CRACR2A: variants seen among roughly 807,000 people sequenced by gnomAD.
CRACR2A encodes the protein EF-hand calcium-binding domain-containing protein 4B.
Under a neutral mutation model 90.5 loss-of-function variants are expected in CRACR2A, and 79 were observed. That is an observed-to-expected ratio of 0.87 (90% confidence interval 0.73 to 1.05). The LOEUF is 1.05. Ranked by LOEUF, CRACR2A falls within the 50% of genes least tolerant of loss-of-function variation. The pLI is 0.00. For missense variants in CRACR2A, 823 were observed against 897.2 expected (o/e 0.92, Z 1.06); for synonymous variants, 338 against 356.7 (o/e 0.95, Z 0.59).
chr12:3,751,165 CA>C (rs1449571030), intron 1 of CRACR2A, among the ~76,000 whole-genome samples: 1 of 152,232 alleles, frequency 6.6e-6, no homozygotes, highest in Non-Finnish European at 1.5e-5. Context: ...CAATATGGAA[CA>C]ATCATAGCAA....
intron 7 of CRACR2A, 83 bp from the exon 8 acceptor site, chr12:3,659,737 C>G: frequency 4.5e-6 from 5 of 1,100,846 alleles, no homozygotes; most frequent in Non-Finnish European, 2.8e-6. Context: ...ACCAGTTCCC[C>G]AACTCTGGAG....
In CRACR2A at chr12:3,623,517, G is replaced by C. The variant is rs553896145; in HGVS notation, c.1932+3919C>G. On this transcript the variant is annotated intron_variant, in intron 17 of 19. Coordinates refer to ENST00000440314, the MANE Select transcript of CRACR2A (RefSeq NM_001144958.2). ...GTTCTAATTTCTATTTTCTCTACCC[G>C]ACACAGGCCCCAGAGTCTTCTGATG... Among the ~76,000 whole-genome samples the C allele has an allele frequency of 7.2e-5, 11 of 152,190 alleles. No homozygotes were observed. The South Asian group carries it at 1.5e-3, about 20-fold the overall frequency.
intron 10 of CRACR2A, among the ~76,000 whole-genome samples, chr12:3,652,876 T>C (rs1944819063): frequency 6.6e-6 from 1 of 152,240 alleles, no homozygotes; most frequent in African/African-American, 2.4e-5. Context: ...TGTTATTCTC[T>C]AGGGAAAATC....
At chr12:3,648,131 A>G in intron 11 of CRACR2A, 3 of 1,025,298 alleles carry the variant, frequency 2.9e-6, no homozygotes, top group Non-Finnish European at 3.5e-6. Flanking sequence ...TTCCTCTAAT[A>G]TCAACTTCCC....
At position 3,644,628 on chromosome 12, in the gene CRACR2A, C is replaced by A. The variant is rs1200433286; in HGVS notation, c.1131G>T (p.Lys377Asn). ...KQLDFLRERN[K>N]HLRDERDICF... Reference sequence around the variant, plus strand: ...ATATGTCCCGTTCATCCCGAAGGTGCTTGTTCCTTTCCCTGTGGATGGTAA... The same window carrying A: ...ATATGTCCCGTTCATCCCGAAGGTGATTGTTCCTTTCCCTGTGGATGGTAA... Residue 377 changes from lysine to asparagine, a missense_variant, in exon 12 of 20, where the codon AAG becomes AAT. Lys to Asn is a moderately conservative substitution (Grantham distance 94). Coordinates refer to ENST00000440314, the MANE Select transcript of CRACR2A (RefSeq NM_001144958.2). The A allele has an allele frequency of 1.3e-6, 2 of 1,551,624 alleles. No homozygotes were observed. Among genetic ancestry groups the A allele is most frequent in the African/African-American group, 2.7e-5 (2 of 73,152 alleles).
At chr12:3,662,049 C>A (rs1264374880) in intron 7 of CRACR2A, among the ~76,000 whole-genome samples, 2 of 152,066 alleles carry the variant, frequency 1.3e-5, no homozygotes, top group African/African-American at 4.8e-5. Flanking sequence ...TTTTACAAAC[C>A]ACTAAAAAAT....
At chr12:3,707,921 A>T (rs1945952661) in intron 3 of CRACR2A, among the ~76,000 whole-genome samples, 1 of 152,222 alleles carries the variant, frequency 6.6e-6, no homozygotes, top group South Asian at 2.1e-4. Context: ...CACTATCCCC[A>T]CTTTACAGGT....
chr12:3,649,466 C>T (rs1461347052), intron 10 of CRACR2A, among the ~76,000 whole-genome samples: 1 of 152,162 alleles, frequency 6.6e-6, no homozygotes, highest in Non-Finnish European at 1.5e-5. Context: ...TCCCACCCTC[C>T]TCCCAAAGTC....
chr12:3,702,457 G>T (rs1361934231), intron 3 of CRACR2A, among the ~76,000 whole-genome samples: 6 of 152,062 alleles, frequency 3.9e-5, no homozygotes, highest in Non-Finnish European at 7.3e-5. Context: ...TGACAAGGTT[G>T]CAGGACACAC....
chr12:3,714,592 AATAAG>A (rs1302369833), intron 2 of CRACR2A, among the ~76,000 whole-genome samples: 1 of 152,212 alleles, frequency 6.6e-6, no homozygotes, highest in African/African-American at 2.4e-5. Flanking sequence ...TTAGACTATA[AATAAG>A]ATATGAACAG....
At chr12:3,704,273 TGTGA>T (rs1449388499) in intron 3 of CRACR2A, among the ~76,000 whole-genome samples, 1 of 152,144 alleles carries the variant, frequency 6.6e-6, no homozygotes, top group Non-Finnish European at 1.5e-5. Flanking sequence ...AAAATAATCA[TGTGA>T]GTGACAGAAG....
intron 6 of CRACR2A, among the ~76,000 whole-genome samples, chr12:3,674,444 C>A (rs554080913): frequency 6.6e-6 from 1 of 152,328 alleles, no homozygotes; most frequent in South Asian, 2.1e-4. Flanking sequence ...ATGGTGGACC[C>A]TGTTCTCCCT....
chr12:3,682,244 G>A (rs905181453), intron 4 of CRACR2A, among the ~76,000 whole-genome samples: 3 of 152,162 alleles, frequency 2.0e-5, no homozygotes, highest in African/African-American at 7.2e-5. Context: ...TTCAAAATGT[G>A]GTCTCTCGCA....
At chr12:3,718,288 T>C (rs1946108642) in intron 2 of CRACR2A, among the ~76,000 whole-genome samples, 1 of 152,200 alleles carries the variant, frequency 6.6e-6, no homozygotes, top group East Asian at 1.9e-4. Flanking sequence ...GGCGTGGGCA[T>C]CCTTCCTCTT....
At chr12:3,663,547 C>T (rs146407340) in intron 7 of CRACR2A, among the ~76,000 whole-genome samples, 2 of 152,266 alleles carry the variant, frequency 1.3e-5, no homozygotes, top group African/African-American at 4.8e-5. Context: ...CCTTGGGTTC[C>T]GGTCAAGCCT....
At chr12:3,730,653 G>C (rs1331040666) in intron 2 of CRACR2A, 1 of 152,196 alleles carries the variant, frequency 6.6e-6, no homozygotes, top group African/African-American at 2.4e-5. Flanking sequence ...TCCACATACT[G>C]AGAGGGAAAG....
intron 10 of CRACR2A, among the ~76,000 whole-genome samples, chr12:3,653,478 C>T (rs970825535): frequency 1.3e-5 from 2 of 152,156 alleles, no homozygotes; most frequent in Non-Finnish European, 1.5e-5. Flanking sequence ...GTTCTAAAAC[C>T]TAATACTCCC....
chr12:3,661,309 G>C (rs1465753194), intron 7 of CRACR2A, among the ~76,000 whole-genome samples: 1 of 152,126 alleles, frequency 6.6e-6, no homozygotes, highest in Admixed American at 6.5e-5. Context: ...CATGGTCAGG[G>C]GCATTGATCA....
intron 7 of CRACR2A, among the ~76,000 whole-genome samples, chr12:3,663,576 T>C (rs1344673274): frequency 1.3e-5 from 2 of 152,204 alleles, no homozygotes; most frequent in Admixed American, 1.3e-4. Context: ...CCTCCAACTG[T>C]GTCTCACATG....
Sources: allele counts gnomAD v4.1 joint callset (sites outside exome capture counted in the v4.1 genomes callset), GRCh38; gene constraint gnomAD v4.1.1; transcripts MANE v1.5; gene names NCBI Gene and HGNC (gene_info 2026-07-23, HGNC 2026-07-21).